The following SCN2A variants were observed in gnomAD, a reference collection of about 807,000 sequenced individuals.
SCN2A encodes sodium voltage-gated channel alpha subunit 2, also known as sodium channel protein type 2 subunit alpha.
In SCN2A, 20 loss-of-function variants were observed where a neutral mutation model predicts 188.7. That is an observed-to-expected ratio of 0.11 (90% confidence interval 0.07 to 0.15). The LOEUF (loss-of-function observed/expected upper bound fraction) is 0.15. Ranked by LOEUF, SCN2A falls within the 10% of genes least tolerant of loss-of-function variation. The pLI is 1.00. For synonymous variants in SCN2A, 804 were observed against 833.1 expected, an observed-to-expected ratio of 0.97 and a Z score of 0.60; for missense variants, 1,278 against 2,445.0, an observed-to-expected ratio of 0.52 and a Z score of 10.07.
intron 1 of SCN2A, among the ~76,000 whole-genome samples, chr2:165,240,260 G>A (rs1433768265): frequency 6.6e-6 from 1 of 152,172 alleles, no homozygotes; most frequent in Non-Finnish European, 1.5e-5. Context: ...TGAGGAGTAT[G>A]CTGAACACAA....
chr2:165,373,050 C>A, intron 20 of SCN2A, 175 bp from the exon 21 acceptor site: 2 of 628,010 alleles, frequency 3.2e-6, no homozygotes, highest in South Asian at 1.8e-5. Flanking sequence ...AATTCTTAGG[C>A]CTTTCCCCAA....
intron 16 of SCN2A, among the ~76,000 whole-genome samples, chr2:165,345,248 C>T (rs879332826): frequency 4.6e-5 from 7 of 152,108 alleles, no homozygotes; most frequent in Non-Finnish European, 8.8e-5. Flanking sequence ...CACCTGAAAA[C>T]GTTTCAGATT....
chr2:165,298,805 A>G (rs1696640435), intron 3 of SCN2A, among the ~76,000 whole-genome samples: 1 of 152,158 alleles, frequency 6.6e-6, no homozygotes, highest in African/African-American at 2.4e-5. Flanking sequence ...ATGCAAACGT[A>G]ATTTATATAT....
intron 1 of SCN2A, chr2:165,271,140 ATGT>A (rs1464753639): frequency 6.6e-6 from 1 of 152,028 alleles, no homozygotes. Context: ...TTGCTTTTGT[ATGT>A]TGTTCTCTTA....
intron 1 of SCN2A, chr2:165,272,366 A>C (rs1695142153): frequency 6.6e-6 from 1 of 152,096 alleles, no homozygotes; most frequent in African/African-American, 2.4e-5. Context: ...AAGAAGAAAA[A>C]AATGGCAGAA....
intron 17 of SCN2A, among the ~76,000 whole-genome samples, chr2:165,364,021 A>C (rs1281244694): frequency 6.6e-6 from 1 of 152,198 alleles, no homozygotes; most frequent in Non-Finnish European, 1.5e-5. Flanking sequence ...TCTAGAGAAA[A>C]TCCACATAAT....
At chr2:165,328,604 T>G (rs1467327605) in intron 13 of SCN2A, 4 of 737,006 alleles carry the variant, frequency 5.4e-6, no homozygotes, top group Non-Finnish European at 6.6e-6. Context: ...AAATAAGACA[T>G]TACTTAAAAA....
chr2:165,248,206 T>C (rs964422011), intron 1 of SCN2A, among the ~76,000 whole-genome samples: 1 of 152,124 alleles, frequency 6.6e-6, no homozygotes, highest in Non-Finnish European at 1.5e-5. Flanking sequence ...AGAAGTAAGA[T>C]TACGCCACAT....
At chr2:165,378,172 T>C (rs1701409522) in intron 23 of SCN2A, among the ~76,000 whole-genome samples, 1 of 150,838 alleles carries the variant, frequency 6.6e-6, no homozygotes, top group South Asian at 2.1e-4. Flanking sequence ...TCTATAATTT[T>C]CATTAATTTC....
chr2:165,293,760 A>G (rs758142083), intron 1 of SCN2A: 437 of 871,838 alleles, frequency 5.0e-4, no homozygotes, highest in Non-Finnish European at 5.6e-4. Flanking sequence ...TAACACTTAA[A>G]ATCAACAAAG....
At chr2:165,291,436 C>CTCTTTCTTTCTCTT (rs1553563560) in intron 1 of SCN2A, among the ~76,000 whole-genome samples, 5 of 65,434 alleles carry the variant, frequency 7.6e-5, no homozygotes, top group African/African-American at 2.2e-4. Flanking sequence ...GTCTTTCTTT[C>CTCTTTCTTTCTCTT]TCTTTCTTTC....
At chr2:165,346,330 C>T (rs1383939366) in intron 16 of SCN2A, among the ~76,000 whole-genome samples, 2 of 152,212 alleles carry the variant, frequency 1.3e-5, no homozygotes, top group African/African-American at 4.8e-5. Flanking sequence ...CTCCCAGTCA[C>T]TTTCAGGTAC....
At chr2:165,265,979 C>A (rs1460751139) in intron 1 of SCN2A, among the ~76,000 whole-genome samples, 1 of 151,580 alleles carries the variant, frequency 6.6e-6, no homozygotes, top group Non-Finnish European at 1.5e-5. Context: ...TGCCACCATG[C>A]CTGGCTCTTT....
intron 1 of SCN2A, among the ~76,000 whole-genome samples, chr2:165,252,820 C>G (rs1450189630): frequency 6.6e-6 from 1 of 151,736 alleles, no homozygotes; most frequent in Admixed American, 6.6e-5. Context: ...ATGTTCCACT[C>G]TGAGACCAGC....
chr2:165,347,762 G>T (rs1196195628), intron 16 of SCN2A, among the ~76,000 whole-genome samples: 1 of 152,148 alleles, frequency 6.6e-6, no homozygotes, highest in African/African-American at 2.4e-5. Flanking sequence ...AAAACAAAGT[G>T]CCATGTGTCA....
chr2:165,328,902 G>A (rs996288510), intron 13 of SCN2A, among the ~76,000 whole-genome samples: 2 of 150,210 alleles, frequency 1.3e-5, no homozygotes, highest in African/African-American at 4.9e-5. Flanking sequence ...TCAATTGTAT[G>A]TAGACACATT....
chr2:165,240,636 A>C (rs1320659400), intron 1 of SCN2A, among the ~76,000 whole-genome samples: 1 of 142,838 alleles, frequency 7.0e-6, no homozygotes, highest in East Asian at 2.0e-4. Context: ...TAAATGCCTC[A>C]CTTCTTTCTC....
In SCN2A at chr2:165,389,645, G is replaced by A. The variant is rs1464068986; in HGVS notation, c.5839G>A (p.Glu1947Lys). Residue 1947 changes from glutamate to lysine, a missense_variant, in exon 27 of 27, where the codon GAA (glutamate) becomes AAA (lysine). By Grantham distance (56) the Glu-to-Lys change is moderately conservative (BLOSUM62 1). Transcript: ENST00000375437. This position sits in a 1 kb window ranked among gnomAD's most constrained non-coding sequence, Gnocchi z 4.2. ...GKECDGTPIKEDTLIDKLNEN... is the reference protein window; with the variant it reads ...GKECDGTPIKKDTLIDKLNEN... ...AGAATGTGATGGAACACCCATCAAA[G>A]AAGATACTCTCATTGATAAACTGAA... 2.5e-6 allele frequency: 4 copies of A among 1,613,804 alleles called. No individual in the cohort carries two copies. The highest frequency in any genetic ancestry group is 3.4e-6 in the Non-Finnish European group (4 of 1,179,940).
At chr2:165,377,325 G>T (rs1318665963) in intron 22 of SCN2A, among the ~76,000 whole-genome samples, 1 of 151,832 alleles carries the variant, frequency 6.6e-6, no homozygotes, top group Non-Finnish European at 1.5e-5. Context: ...GTCAAAGATT[G>T]TTCATATTGT....
Sources: gnomAD v4.1 joint callset for allele counts (sites outside exome capture counted in the v4.1 genomes callset) on GRCh38, gnomAD v4.1.1 for gene constraint, Gnocchi (gnomAD v3.1) non-coding constraint, MANE v1.5 for transcripts, NCBI Gene and HGNC (gene_info 2026-07-23, HGNC 2026-07-21) for gene names.